The following IL1RAPL1 variants were observed in gnomAD, a reference collection of about 807,000 sequenced individuals.
The protein encoded by IL1RAPL1 is interleukin 1 receptor accessory protein like 1, also known as interleukin-1 receptor accessory protein-like 1.
IL1RAPL1 carries 3 observed loss-of-function variants against 48.4 expected under a neutral mutation model. The observed-to-expected ratio is 0.06, with a 90% CI of 0.03 to 0.16. The LOEUF is 0.16. IL1RAPL1 is among the 10% of genes least tolerant of loss of function. IL1RAPL1 has a pLI of 1.00. For missense variants in IL1RAPL1, 349 were observed against 530.6 expected, an observed-to-expected ratio of 0.66 and a Z score of 3.36; for synonymous variants, 185 against 187.7, an observed-to-expected ratio of 0.99 and a Z score of 0.12.
In IL1RAPL1 at chrX:29,183,796, C is replaced by T. The variant is rs750874573; in HGVS notation, c.83-99142C>T. On this transcript the variant is annotated intron_variant, in intron 2 of 10. Coordinates refer to ENST00000378993, the MANE Select transcript of IL1RAPL1 (RefSeq NM_014271.4). ...GCAACTTCTGCCTCCCGGGTTCAAGCGATTCTCCTGCCTCAGCCTCCCAAG... is the reference window on the plus strand; with the variant it reads ...GCAACTTCTGCCTCCCGGGTTCAAGTGATTCTCCTGCCTCAGCCTCCCAAG... Among the ~76,000 whole-genome samples, 9 of 112,160 alleles carry T rather than the reference C, an allele frequency of 8.0e-5. No homozygotes were observed. In the South Asian group the frequency reaches 2.2e-3, roughly 27 times the overall value.
At chrX:29,081,022 T>TCTCTCTCTC (rs1569232895) in intron 2 of IL1RAPL1, among the ~76,000 whole-genome samples, 5 of 39,246 alleles carry the variant, frequency 1.3e-4, no homozygotes, top group Non-Finnish European at 2.2e-4. Context: ...CTCTCTCTCT[T>TCTCTCTCTC]TCTTTTCTTT....
intron 6 of IL1RAPL1, among the ~76,000 whole-genome samples, chrX:29,801,855 T>G (rs1484116222): frequency 8.9e-6 from 1 of 111,893 alleles, no homozygotes; most frequent in Non-Finnish European, 1.9e-5. Flanking sequence ...AGTTATATAC[T>G]CAGTTTTATA....
intron 1 of IL1RAPL1, among the ~76,000 whole-genome samples, chrX:28,742,284 C>A (rs753260119): frequency 1.4e-3 from 157 of 111,141 alleles, no homozygotes; most frequent in African/African-American, 4.8e-3. Context: ...CCAGACAAGA[C>A]GGCAACCAAA....
intron 2 of IL1RAPL1, among the ~76,000 whole-genome samples, chrX:28,994,069 G>GA (rs368814077): frequency 4.4e-4 from 46 of 104,516 alleles, no homozygotes; most frequent in Admixed American, 1.3e-3. Context: ...GGCATTTTAA[G>GA]AAAAAAAAAA....
chrX:29,393,943 A>G (rs1933890760), intron 3 of IL1RAPL1, among the ~76,000 whole-genome samples: 1 of 111,066 alleles, frequency 9.0e-6, no homozygotes, highest in Non-Finnish European at 1.9e-5. Flanking sequence ...TGGCAAACCC[A>G]AAGAGGGATA....
At chrX:28,629,840 A>C (rs1934379866) in intron 1 of IL1RAPL1, among the ~76,000 whole-genome samples, 1 of 112,074 alleles carries the variant, frequency 8.9e-6, no homozygotes, top group South Asian at 3.7e-4. Flanking sequence ...ATAGGCAAGC[A>C]CGGCAAAGAG....
intron 2 of IL1RAPL1, among the ~76,000 whole-genome samples, chrX:28,939,372 T>C (rs1924106476): frequency 9.0e-6 from 1 of 111,195 alleles, no homozygotes; most frequent in East Asian, 2.8e-4. Context: ...TGATATCATG[T>C]CTTTTGCAGA....
At chrX:29,031,989 G>A (rs773400436) in intron 2 of IL1RAPL1, among the ~76,000 whole-genome samples, 2 of 111,701 alleles carry the variant, frequency 1.8e-5, no homozygotes, top group East Asian at 2.8e-4. Flanking sequence ...TACTACCTAC[G>A]TACCCACCTA....
At chrX:29,623,913 C>T (rs750384538) in intron 5 of IL1RAPL1, among the ~76,000 whole-genome samples, 7 of 111,869 alleles carry the variant, frequency 6.3e-5, no homozygotes, top group African/African-American at 2.3e-4. Context: ...GAGATAACAT[C>T]TTAGTCCTTA....
At chrX:28,907,552 A>C (rs1923250623) in intron 2 of IL1RAPL1, among the ~76,000 whole-genome samples, 1 of 112,912 alleles carries the variant, frequency 8.9e-6, no homozygotes, top group Non-Finnish European at 1.9e-5. Context: ...ACTGTGCCCA[A>C]CCTAATTGAT....
intron 5 of IL1RAPL1, among the ~76,000 whole-genome samples, chrX:29,593,762 C>G (rs1259728026): frequency 2.7e-5 from 3 of 111,911 alleles, no homozygotes; most frequent in African/African-American, 9.7e-5. Flanking sequence ...TGATTTTACT[C>G]TGTTTGAAAA....
intron 6 of IL1RAPL1, among the ~76,000 whole-genome samples, chrX:29,774,030 G>A (rs1486656192): frequency 9.0e-6 from 1 of 110,571 alleles, no homozygotes; most frequent in Non-Finnish European, 1.9e-5. Flanking sequence ...GTGTAGTTAT[G>A]TAAGTGTTTA....
At chrX:28,967,458 G>A (rs1924948578) in intron 2 of IL1RAPL1, among the ~76,000 whole-genome samples, 1 of 110,106 alleles carries the variant, frequency 9.1e-6, no homozygotes, top group South Asian at 3.9e-4. Context: ...CTTGGCCAAT[G>A]AGAAAGTTAA....
chrX:29,954,811 C>A, intron 10 of IL1RAPL1, 119 bp downstream of exon 10: 1 of 656,626 alleles, frequency 1.5e-6, no homozygotes, highest in Non-Finnish European at 2.4e-6. Context: ...CTGTTAGTTT[C>A]CCTAGAAAGA....
intron 2 of IL1RAPL1, among the ~76,000 whole-genome samples, chrX:29,086,571 G>A (rs1050396129): frequency 1.8e-5 from 2 of 111,454 alleles, no homozygotes; most frequent in African/African-American, 3.3e-5. Context: ...TCTATTCTGT[G>A]TTTTATTGGT....
intron 2 of IL1RAPL1, among the ~76,000 whole-genome samples, chrX:29,041,771 G>T (rs1926852031): frequency 8.9e-6 from 1 of 112,073 alleles, no homozygotes; most frequent in Non-Finnish European, 1.9e-5. Context: ...ACAGTTTTAT[G>T]ATAACAGTAT....
chrX:29,656,650 T>C (rs1925691338), intron 5 of IL1RAPL1, among the ~76,000 whole-genome samples: 1 of 110,783 alleles, frequency 9.0e-6, no homozygotes, highest in South Asian at 3.8e-4. Flanking sequence ...TATATATATT[T>C]ATACACCACA....
chrX:29,829,580 T>C (rs111756029), intron 6 of IL1RAPL1, among the ~76,000 whole-genome samples: 3,355 of 111,472 alleles, frequency 0.03, 123 homozygotes, highest in African/African-American at 0.1. Context: ...AACACATGAC[T>C]ACAAGTTCCA....
chrX:29,918,148 T>A (rs867334798), intron 7 of IL1RAPL1, among the ~76,000 whole-genome samples: 460 of 38,900 alleles, frequency 0.012, 9 homozygotes, highest in African/African-American at 0.023. Context: ...AAAAAAAATA[T>A]ATATATATAT....
Sources: gnomAD v4.1 joint callset for allele counts (sites outside exome capture counted in the v4.1 genomes callset) on GRCh38, gnomAD v4.1.1 for gene constraint, MANE v1.5 for transcripts, NCBI Gene and HGNC (gene_info 2026-07-23, HGNC 2026-07-21) for gene names.